XRN1: variants seen among roughly 807,000 people sequenced by gnomAD.
XRN1 encodes the protein strand-exchange protein 1 homolog.
XRN1 carries 67 observed loss-of-function variants against 222.3 expected under a neutral mutation model. The ratio of observed to expected loss-of-function variants is 0.30; its 90% CI spans 0.25 to 0.37. The LOEUF (loss-of-function observed/expected upper bound fraction) is 0.37. Among genes scored for constraint, XRN1 ranks in the 10% least tolerant of loss-of-function variants. The pLI is 1.00. For missense variants in XRN1, 1,707 were observed against 2,000.2 expected, an observed-to-expected ratio of 0.85 and a Z score of 2.80; for synonymous variants, 643 against 652.4, an observed-to-expected ratio of 0.99 and a Z score of 0.22.
At chr3:142,331,610 T>C (rs1389925849) in intron 36 of XRN1, among the ~76,000 whole-genome samples, 1 of 152,166 alleles carries the variant, frequency 6.6e-6, no homozygotes, top group Non-Finnish European at 1.5e-5. Context: ...AATAATGTAT[T>C]TAAGTTACAT....
chr3:142,438,516 G>A (rs1263019425), intron 1 of XRN1, among the ~76,000 whole-genome samples: 1 of 152,152 alleles, frequency 6.6e-6, no homozygotes, highest in South Asian at 2.1e-4. Flanking sequence ...TAGGACTAAT[G>A]CTCATTGGAA....
chr3:142,388,553 T>C (rs2107965551), intron 20 of XRN1, among the ~76,000 whole-genome samples: 1 of 152,332 alleles, frequency 6.6e-6, no homozygotes, highest in South Asian at 2.1e-4. Context: ...TATTAGTAGT[T>C]AACTTTTTGT....
At chr3:142,378,267 A>G (rs550178018) in intron 23 of XRN1, among the ~76,000 whole-genome samples, 1 of 152,338 alleles carries the variant, frequency 6.6e-6, no homozygotes, top group South Asian at 2.1e-4. Flanking sequence ...CAATTTTCCA[A>G]TATTCTTGAG....
intron 37 of XRN1, among the ~76,000 whole-genome samples, chr3:142,320,950 A>G (rs994002133): frequency 1.3e-5 from 2 of 151,902 alleles, no homozygotes; most frequent in African/African-American, 4.8e-5. Flanking sequence ...TTCTTCTAAG[A>G]CTTTTATAGT....
intron 22 of XRN1, among the ~76,000 whole-genome samples, chr3:142,383,037 A>G (rs909940949): frequency 1.1e-5 from 1 of 94,386 alleles, no homozygotes; most frequent in Non-Finnish European, 2.1e-5. Context: ...TACAATAAAC[A>G]AAACTGCTAA....
intron 19 of XRN1, 114 bp from the exon 20 acceptor site, chr3:142,397,574 AC>A: frequency 1.4e-6 from 1 of 708,014 alleles, no homozygotes; most frequent in Non-Finnish European, 2.0e-6. Flanking sequence ...CTAGCAAAAA[AC>A]CCCACAACTG....
intron 1 of XRN1, among the ~76,000 whole-genome samples, chr3:142,437,529 G>A (rs2069968822): frequency 6.6e-6 from 1 of 152,152 alleles, no homozygotes; most frequent in Non-Finnish European, 1.5e-5. Flanking sequence ...TGCATGATTT[G>A]GCTGCTATTT....
At chr3:142,373,689 T>G (rs1290281150) in intron 25 of XRN1, among the ~76,000 whole-genome samples, 1 of 152,172 alleles carries the variant, frequency 6.6e-6, no homozygotes, top group Non-Finnish European at 1.5e-5. Context: ...AACAGTGGTT[T>G]CAAAATTCTG....
chr3:142,332,223 C>T, intron 36 of XRN1, 152 bp downstream of exon 36: 1 of 647,820 alleles, frequency 1.5e-6, no homozygotes, highest in Non-Finnish European at 2.4e-6. Flanking sequence ...AGTTTGAGAC[C>T]AGCCTGGCCA....
chr3:142,314,952 T>G (rs1693042780), intron 39 of XRN1, among the ~76,000 whole-genome samples: 1 of 88,582 alleles, frequency 1.1e-5, no homozygotes, highest in Admixed American at 1.0e-4. Flanking sequence ...CTGTCGTCTG[T>G]TTTTTTTTTT....
At chr3:142,418,988 T>G in intron 10 of XRN1, 107 bp from the exon 11 acceptor site, 1 of 1,016,938 alleles carries the variant, frequency 9.8e-7, no homozygotes. Context: ...TTCCATGTTA[T>G]AACATCCTTC....
At chr3:142,402,216 CTT>C (rs985252108) in intron 18 of XRN1, among the ~76,000 whole-genome samples, 1 of 151,658 alleles carries the variant, frequency 6.6e-6, no homozygotes, top group Admixed American at 6.6e-5. Context: ...GAGTTTCGCT[CTT>C]GTCACCCAGG....
chr3:142,381,468 T>C (rs565958117), intron 22 of XRN1, among the ~76,000 whole-genome samples: 2 of 152,268 alleles, frequency 1.3e-5, no homozygotes, highest in South Asian at 2.1e-4. Flanking sequence ...GGATCAGATA[T>C]TGCATTTAAT....
Position 142,379,956 on chromosome 3 carries a change from G to A in XRN1, c.2715+126C>T, listed in dbSNP as rs111744251. 4.2e-6 allele frequency: 3 copies of A among 716,394 alleles called. No homozygotes were observed. In the East Asian group the frequency reaches 8.3e-5, roughly 20 times the overall value. The allele number at this position is 716,394 out of a possible 1,614,324, so 44.4% of individuals were successfully genotyped here. Reference sequence around the variant, plus strand: ...TTATTTTTAAATACCAGATGCAACTGGGAGAGAGAATCTAATCATTATTAA... The same window carrying A: ...TTATTTTTAAATACCAGATGCAACTAGGAGAGAGAATCTAATCATTATTAA... On this transcript the variant is annotated intron_variant, in intron 23 of 40. Transcript: ENST00000392981.
intron 39 of XRN1, among the ~76,000 whole-genome samples, chr3:142,313,431 T>C (rs1453518865): frequency 6.6e-6 from 1 of 152,152 alleles, no homozygotes; most frequent in African/African-American, 2.4e-5. Context: ...CTGGAGTTTG[T>C]ATTAAGCTCC....
chr3:142,332,665 A>T, intron 35 of XRN1, 131 bp from the exon 36 acceptor site: 1 of 888,152 alleles, frequency 1.1e-6, no homozygotes, highest in Non-Finnish European at 1.6e-6. Flanking sequence ...CTACATTCAG[A>T]TAGAAACTGA....
chr3:142,315,891 T>G (rs1409419472), intron 39 of XRN1, among the ~76,000 whole-genome samples: 2 of 152,186 alleles, frequency 1.3e-5, no homozygotes, highest in South Asian at 4.1e-4. Context: ...TTCCACACTG[T>G]TCAATTATTT....
In XRN1 at chr3:142,311,468, T is replaced by G. The variant is rs769968226; in HGVS notation, c.*43A>C. On this transcript the variant is annotated 3_prime_UTR_variant, in exon 41 of 41. Coordinates refer to ENST00000392981, the MANE Select transcript of XRN1 (RefSeq NM_001282857.2). The stretch of plus-strand genomic sequence containing the variant: ...ACATAGATATGTATTTATAAAAAGG[T>G]AGATGGAAAGAGAAGAAATTAACTT... 23 of 1,477,632 alleles carry G rather than the reference T, an allele frequency of 1.6e-5. 1 individual carries two copies. The highest frequency in any genetic ancestry group is 1.2e-4 in the South Asian group (9 of 73,226). 91.5% of individuals were successfully genotyped at this position (1,477,632 alleles called of 1,614,324 possible). A position where few individuals can be genotyped will look rare whatever the true frequency, so the allele number is the denominator to read the frequency against.
intron 2 of XRN1, among the ~76,000 whole-genome samples, chr3:142,430,600 C>T (rs1391413608): frequency 6.6e-6 from 1 of 151,980 alleles, no homozygotes; most frequent in East Asian, 1.9e-4. Context: ...TACTTTTTGC[C>T]ATCCTCTTCC....
Sources: gnomAD v4.1 joint callset for allele counts (sites outside exome capture counted in the v4.1 genomes callset) on GRCh38, gnomAD v4.1.1 for gene constraint, MANE v1.5 for transcripts, NCBI Gene and HGNC (gene_info 2026-07-23, HGNC 2026-07-21) for gene names.